Variants in FSTL4 observed in about 807,000 individuals in gnomAD.
The protein encoded by FSTL4 is follistatin like 4.
In FSTL4, 28 loss-of-function variants were observed where a neutral mutation model predicts 78.2. The observed-to-expected ratio is 0.36, with a 90% CI of 0.27 to 0.49. The LOEUF is 0.49. Ranked by LOEUF, FSTL4 falls within the 20% of genes least tolerant of loss-of-function variation. The pLI is 0.98. For missense variants in FSTL4, 922 were observed against 1,084.9 expected (o/e 0.85, Z 2.11); for synonymous variants, 422 against 440.5 (o/e 0.96, Z 0.53).
At chr5:133,412,749 T>C (rs1210020321) in intron 3 of FSTL4, among the ~76,000 whole-genome samples, 2 of 152,166 alleles carry the variant, frequency 1.3e-5, no homozygotes, top group Non-Finnish European at 2.9e-5. Flanking sequence ...ATCATTCTTT[T>C]GGTTTATCTC....
At chr5:133,770,480 A>T in the FSTL4 span, among the ~76,000 whole-genome samples, 3 of 152,078 alleles carry the variant, frequency 2.0e-5, no homozygotes, top group Non-Finnish European at 4.4e-5. Flanking sequence ...ATGATTAGTG[A>T]TGTTGAGCAG....
chr5:133,683,209 A>G, the FSTL4 span, among the ~76,000 whole-genome samples: 1 of 152,240 alleles, frequency 6.6e-6, no homozygotes, highest in African/African-American at 2.4e-5. Flanking sequence ...ATGAGAAAAG[A>G]TGAATATTAT....
chr5:133,779,542 C>T, the FSTL4 span, among the ~76,000 whole-genome samples: 2 of 152,078 alleles, frequency 1.3e-5, no homozygotes, highest in South Asian at 2.1e-4. Flanking sequence ...GCCGAGATCT[C>T]GCCACTGCAT....
chr5:133,640,568 G>A, the FSTL4 span, among the ~76,000 whole-genome samples: 1 of 152,206 alleles, frequency 6.6e-6, no homozygotes, highest in Non-Finnish European at 1.5e-5. Context: ...TTAACATCAG[G>A]AGAAATACCA....
the FSTL4 span, among the ~76,000 whole-genome samples, chr5:133,828,705 A>G: frequency 1.3e-5 from 2 of 152,238 alleles, no homozygotes; most frequent in African/African-American, 4.8e-5. Flanking sequence ...TGGAGCCCCA[A>G]CACCACTATT....
chr5:133,446,236 T>C (rs1186931363), intron 3 of FSTL4, among the ~76,000 whole-genome samples: 6 of 152,200 alleles, frequency 3.9e-5, no homozygotes, highest in Non-Finnish European at 7.4e-5. Flanking sequence ...GGTCAGGAGT[T>C]GGAGACCAGC....
intron 3 of FSTL4, among the ~76,000 whole-genome samples, chr5:133,486,678 C>T (rs989578803): frequency 1.1e-4 from 16 of 152,222 alleles, no homozygotes; most frequent in Admixed American, 6.5e-4. Context: ...AACCTAGAAA[C>T]GGCCCCCTCT....
chr5:133,735,458 A>G, the FSTL4 span, among the ~76,000 whole-genome samples: 1 of 152,114 alleles, frequency 6.6e-6, no homozygotes. Context: ...GCGAGACACC[A>G]TCTAAAAAAA....
the FSTL4 span, among the ~76,000 whole-genome samples, chr5:133,714,091 A>G: frequency 6.6e-6 from 1 of 152,160 alleles, no homozygotes; most frequent in Non-Finnish European, 1.5e-5. Flanking sequence ...ACACAGCACC[A>G]AGGGCTCGTC....
intron 4 of FSTL4, among the ~76,000 whole-genome samples, chr5:133,394,138 C>A (rs1755933488): frequency 6.6e-6 from 1 of 152,268 alleles, no homozygotes; most frequent in Non-Finnish European, 1.5e-5. Context: ...GCTTCACGGT[C>A]CCTCTTTGGG....
intron 7 of FSTL4, among the ~76,000 whole-genome samples, chr5:133,235,357 G>A (rs1359204117): frequency 6.6e-6 from 1 of 152,032 alleles, no homozygotes; most frequent in Non-Finnish European, 1.5e-5. Context: ...AAATTAGCTG[G>A]GCGTGGAGGC....
the FSTL4 span, among the ~76,000 whole-genome samples, chr5:133,636,716 G>A: frequency 6.6e-6 from 1 of 152,116 alleles, no homozygotes; most frequent in Non-Finnish European, 1.5e-5. Context: ...TATTATTGTT[G>A]TTATGTCTAA....
chr5:133,542,971 A>ACTTC (rs1208563178), intron 3 of FSTL4, among the ~76,000 whole-genome samples: 3 of 128,746 alleles, frequency 2.3e-5, no homozygotes, highest in Non-Finnish European at 5.0e-5. Flanking sequence ...GTTCTTTATT[A>ACTTC]CTTCCTTCCT....
intron 3 of FSTL4, among the ~76,000 whole-genome samples, chr5:133,431,811 G>A (rs1415237604): frequency 2.0e-5 from 3 of 152,088 alleles, no homozygotes; most frequent in African/African-American, 4.8e-5. Context: ...AAAACAAAAC[G>A]CATTGGCCAC....
At chr5:133,231,042 C>T (rs965558447) in intron 8 of FSTL4, among the ~76,000 whole-genome samples, 2 of 152,058 alleles carry the variant, frequency 1.3e-5, no homozygotes, top group African/African-American at 4.8e-5. Context: ...AGATCATTCT[C>T]GTGTCACACC....
At chr5:133,252,813 CA>C (rs1397340341) in intron 6 of FSTL4, among the ~76,000 whole-genome samples, 1 of 152,130 alleles carries the variant, frequency 6.6e-6, no homozygotes, top group Non-Finnish European at 1.5e-5. Flanking sequence ...TAATAGGAAA[CA>C]AAAATCCAAG....
the FSTL4 span, among the ~76,000 whole-genome samples, chr5:133,793,270 A>T: frequency 6.6e-6 from 1 of 152,228 alleles, no homozygotes; most frequent in Non-Finnish European, 1.5e-5. Context: ...AAATGATTTT[A>T]GGTAAACTCA....
At chr5:133,616,853 C>T (rs1402030773), upstream of FSTL4, among the ~76,000 whole-genome samples, 1 of 152,182 alleles carries the variant, frequency 6.6e-6, no homozygotes, top group Non-Finnish European at 1.5e-5. Flanking sequence ...ATCTGAGCAG[C>T]CATTCTGACC....
At chr5:133,784,342 C>T in the FSTL4 span, among the ~76,000 whole-genome samples, 1 of 152,038 alleles carries the variant, frequency 6.6e-6, no homozygotes, top group Non-Finnish European at 1.5e-5. Context: ...AAACTGAGGC[C>T]AGGAAAAACA....
Sources: allele counts gnomAD v4.1 joint callset (sites outside exome capture counted in the v4.1 genomes callset), GRCh38; gene constraint gnomAD v4.1.1; transcripts MANE v1.5; gene names NCBI Gene and HGNC (gene_info 2026-07-23, HGNC 2026-07-21).